The following TMEM120B variants were observed in gnomAD, a reference collection of about 807,000 sequenced individuals.
TMEM120B encodes the protein transmembrane protein 120B.
In TMEM120B, 31 loss-of-function variants were observed where a neutral mutation model predicts 55.5. The observed-to-expected ratio is 0.56, with a 90% CI of 0.42 to 0.75. The LOEUF (loss-of-function observed/expected upper bound fraction) is 0.75, where lower values mean the gene tolerates loss of function less well. Ranked by LOEUF, TMEM120B falls within the 30% of genes least tolerant of loss-of-function variation. TMEM120B has a pLI of 0.00. For synonymous variants in TMEM120B, 203 were observed against 176.3 expected (o/e 1.15, Z -1.20); for missense variants, 399 against 425.5 (o/e 0.94, Z 0.55).
chr12:121,774,219 G>A (rs190917095), intron 9 of TMEM120B, among the ~76,000 whole-genome samples: 238 of 152,244 alleles, frequency 1.6e-3, no homozygotes, highest in Non-Finnish European at 2.8e-3. Flanking sequence ...GCCTCCCAAC[G>A]TGCTGGGATT....
intron 1 of TMEM120B, among the ~76,000 whole-genome samples, chr12:121,729,413 A>T (rs1352585444): frequency 6.6e-6 from 1 of 152,232 alleles, no homozygotes. Context: ...CAGTGCATCA[A>T]GACAGCTGCA....
chr12:121,738,393 G>T (rs1379314859), intron 1 of TMEM120B, among the ~76,000 whole-genome samples: 1 of 152,128 alleles, frequency 6.6e-6, no homozygotes, highest in Admixed American at 6.6e-5. Flanking sequence ...AGCTGATTTT[G>T]CAGCCCTGGT....
intron 2 of TMEM120B, among the ~76,000 whole-genome samples, chr12:121,746,180 C>T (rs777107434): frequency 1.2e-4 from 17 of 147,384 alleles, no homozygotes; most frequent in Non-Finnish European, 2.2e-4. Context: ...TTTCTTAAAC[C>T]GCCCCCCCAC....
chr12:121,737,320 A>T (rs1592931214), intron 1 of TMEM120B, among the ~76,000 whole-genome samples: 1 of 151,710 alleles, frequency 6.6e-6, no homozygotes, highest in South Asian at 2.1e-4. Context: ...GCCTGGCCAA[A>T]ATGATGAAAC....
At chr12:121,756,080 A>G (rs1488765207) in intron 5 of TMEM120B, among the ~76,000 whole-genome samples, 1 of 152,216 alleles carries the variant, frequency 6.6e-6, no homozygotes, top group Non-Finnish European at 1.5e-5. Flanking sequence ...CTGCAAGGTT[A>G]TAAGTTCCCA....
Position 121,775,009 on chromosome 12 carries a change from C to T in TMEM120B, c.838-53C>T, listed in dbSNP as rs998446107. On this transcript the variant is annotated intron_variant, in intron 10 of 11. Coordinates refer to ENST00000449592, the MANE Select transcript of TMEM120B (RefSeq NM_001080825.2). The surrounding 1 kb of genome is among the most constrained non-coding windows in gnomAD (Gnocchi z 4.3). ...GCCTGGCCATCACCCTGGCTTTCTA[C>T]GTGGCCGGCCAGGGGAGTCTGGTGG... 75 of 1,599,936 alleles carry T rather than the reference C, an allele frequency of 4.7e-5. No individual in the cohort carries two copies. Among genetic ancestry groups the T allele is most frequent in the Middle Eastern group, 1.8e-4 (1 of 5,660 alleles).
rs199907375 is a variant in TMEM120B, at chr12:121,781,191, C to T, written c.*5469C>T. ...GCCGCAGCCGGTCATAGTCTTCTTG[C>T]CCTGAAAGCACAGAGCAGCGGGGGT... On this transcript the variant is annotated 3_prime_UTR_variant, in exon 12 of 12. Transcript: ENST00000449592. 1.3e-5 allele frequency: 21 copies of T among 1,613,968 alleles called. No homozygotes were observed. Among genetic ancestry groups the T allele is most frequent in the African/African-American group, 4.0e-5 (3 of 74,928 alleles).
chr12:121,779,674 G>T lies in TMEM120B; in HGVS notation c.*3952G>T. The T allele has an allele frequency of 6.2e-7, 1 of 1,613,434 alleles. No individual in the cohort carries two copies. The highest frequency in any genetic ancestry group is 2.2e-5 in the East Asian group (1 of 44,882). ...CAGGCGCTCAGGCCCTGGGTGGGGG[G>T]AGGAGCCAGCATTAGGTGAGGGGCC... On this transcript the variant is annotated 3_prime_UTR_variant, in exon 12 of 12. Transcript: ENST00000449592.
intron 1 of TMEM120B, among the ~76,000 whole-genome samples, chr12:121,732,814 C>G (rs1038467617): frequency 6.6e-6 from 1 of 151,972 alleles, no homozygotes; most frequent in African/African-American, 2.4e-5. Context: ...CCTGTCTCTA[C>G]TAAAAATACA....
At chr12:121,771,006 C>A (rs1376560166) in intron 7 of TMEM120B, 34 bp downstream of exon 7, 13 of 1,609,124 alleles carry the variant, frequency 8.1e-6, no homozygotes, top group South Asian at 1.1e-5. Context: ...CTCCAGCCTC[C>A]CAGGGAGTAG....
chr12:121,779,807 C>T lies in TMEM120B; in HGVS notation c.*4085C>T, dbSNP rs1251134898. 17 of 837,238 alleles carry T rather than the reference C, an allele frequency of 2.0e-5. No individual in the cohort carries two copies. Among genetic ancestry groups the T allele is most frequent in the Non-Finnish European group, 3.1e-5 (17 of 543,286 alleles). 51.9% of individuals were successfully genotyped at this position (837,238 alleles called of 1,614,324 possible). A position where few individuals can be genotyped will look rare whatever the true frequency, so the allele number is the denominator to read the frequency against. On this transcript the variant is annotated 3_prime_UTR_variant, in exon 12 of 12. Coordinates refer to ENST00000449592, the MANE Select transcript of TMEM120B (RefSeq NM_001080825.2). ...GTCTGTCTCCTCCATCCTGGCTGCC[C>T]CTCACAGTGTGTGGGTGGAATGGAG...
rs1262555466 is a variant in TMEM120B at position 121,777,445 on chromosome 12, C to G, written c.*1723C>G. On this transcript the variant is annotated 3_prime_UTR_variant, in exon 12 of 12. Transcript: ENST00000449592. ...ACATTTTTAAAATGAGATTTCCCCA[C>G]CCCTACAGTGAGATTCCACATAAAA... The G allele has an allele frequency of 6.6e-6, 1 of 152,178 alleles. No individual in the cohort carries two copies. Among genetic ancestry groups the G allele is most frequent in the Non-Finnish European group, 1.5e-5 (1 of 68,044 alleles). The allele number at this position is 152,178 out of a possible 1,614,324, so 9.4% of individuals were successfully genotyped here.
At chr12:121,734,942 A>G (rs921732258) in intron 1 of TMEM120B, among the ~76,000 whole-genome samples, 28 of 151,982 alleles carry the variant, frequency 1.8e-4, no homozygotes, top group African/African-American at 6.8e-4. Flanking sequence ...GGACATTAAT[A>G]TTTAGTATAT....
chr12:121,758,623 G>T (rs1403933494), intron 5 of TMEM120B: 7 of 982,494 alleles, frequency 7.1e-6, no homozygotes, highest in Non-Finnish European at 8.4e-6. Context: ...CCGCGCTGTG[G>T]TCACCATGGA....
chr12:121,728,382 G>A (rs1178886548), intron 1 of TMEM120B, among the ~76,000 whole-genome samples: 3 of 151,866 alleles, frequency 2.0e-5, no homozygotes, highest in African/African-American at 4.8e-5. Flanking sequence ...CCAGCTACTC[G>A]GGAGGCTGAG....
chr12:121,753,904 G>T (rs1433977274), intron 5 of TMEM120B, among the ~76,000 whole-genome samples: 1 of 152,192 alleles, frequency 6.6e-6, no homozygotes, highest in Admixed American at 6.5e-5. Flanking sequence ...ACGTGGAGGC[G>T]CTGCTGGGGG....
At chr12:121,745,517 G>A (rs1222038286) in intron 2 of TMEM120B, among the ~76,000 whole-genome samples, 2 of 149,602 alleles carry the variant, frequency 1.3e-5, no homozygotes, top group African/African-American at 4.9e-5. Flanking sequence ...TCAGCCTCCC[G>A]AGTAGCTGGG....
intron 1 of TMEM120B, among the ~76,000 whole-genome samples, chr12:121,726,101 AG>A (rs1333655120): frequency 6.6e-6 from 1 of 151,310 alleles, no homozygotes; most frequent in Non-Finnish European, 1.5e-5. Flanking sequence ...GCTGTGGGTT[AG>A]GAAGAAGGGG....
In TMEM120B at chr12:121,776,233, AT is replaced by A. The variant is rs777756824; in HGVS notation, c.*515del. On this transcript the variant is annotated 3_prime_UTR_variant, in exon 12 of 12. Coordinates refer to ENST00000449592, the MANE Select transcript of TMEM120B (RefSeq NM_001080825.2). ...CCCACCCCGCCACGTGGTGAGGGTT[AT>A]TTTAAGTTCTCAGAGACCCACCGCG... The A allele has an allele frequency of 8.8e-5, 21 of 237,840 alleles. No homozygotes were observed. The highest frequency in any genetic ancestry group is 1.4e-4 in the Non-Finnish European group (18 of 125,316). The allele number at this position is 237,840 out of a possible 1,614,324, so 14.7% of individuals were successfully genotyped here.
Sources: gnomAD v4.1 joint callset for allele counts (sites outside exome capture counted in the v4.1 genomes callset) on GRCh38, gnomAD v4.1.1 for gene constraint, Gnocchi (gnomAD v3.1) non-coding constraint, MANE v1.5 for transcripts, NCBI Gene and HGNC (gene_info 2026-07-23, HGNC 2026-07-21) for gene names.